Variants in MMS19 observed in about 807,000 individuals in gnomAD.
The protein encoded by MMS19 is MMS19 nucleotide excision repair protein homolog.
A neutral mutation model predicts 129.8 loss-of-function variants in MMS19; 77 were observed. The observed-to-expected ratio is 0.59, with a 90% CI of 0.49 to 0.72. The LOEUF (loss-of-function observed/expected upper bound fraction) is 0.72, where lower values mean the gene tolerates loss of function less well. Ranked by LOEUF, MMS19 falls within the 30% of genes least tolerant of loss-of-function variation. The probability of loss-of-function intolerance (pLI) is 0.00; values close to 1 mark genes in which losing one functional copy is unlikely to be tolerated. For synonymous variants in MMS19, 491 were observed against 502.8 expected (o/e 0.98, Z 0.31); for missense variants, 1,168 against 1,266.3 (o/e 0.92, Z 1.18).
intron 13 of MMS19, among the ~76,000 whole-genome samples, chr10:97,467,830 A>AT (rs1285490114): frequency 0.014 from 1,936 of 137,388 alleles, 37 homozygotes; most frequent in African/African-American, 0.041. Context: ...TATCCAGCTA[A>AT]TTTTTTTTTT....
Position 97,477,915 on chromosome 10 carries a change from G to C in MMS19, c.363C>G (p.Ala121=). Residue 121 remains alanine, a synonymous_variant, in exon 5 of 31, where the codon GCC becomes GCG. Coordinates refer to ENST00000438925, the MANE Select transcript of MMS19 (RefSeq NM_022362.5). ...QGLKALSLCV[A]LPPGLAVSVL... ...CAGAAACAGCCAGCCCTGGGGGCAG[G>C]GCCACACACAGGCTCTGGGGGAGAG... is the stretch of plus-strand genomic sequence containing the variant. 2 of 1,605,410 alleles carry C rather than the reference G, an allele frequency of 1.2e-6. No homozygotes were observed. The highest frequency in any genetic ancestry group is 1.7e-6 in the Non-Finnish European group (2 of 1,176,788).
Position 97,459,692 on chromosome 10 carries a change from C to G in MMS19, c.2706G>C (p.Leu902=). ...LKGLSHVLNR[L]PKPVLLPELP... is the part of the protein sequence containing the mutation. The stretch of plus-strand genomic sequence containing the variant: ...GCTCTGGCAAGAGTACAGGCTTGGG[C>G]AGCCTGTTAAGTACATGAGAAAGAC... Residue 902 remains leucine (L), a synonymous_variant, in exon 27 of 31, where the codon CTG becomes CTC. Coordinates refer to ENST00000438925, the MANE Select transcript of MMS19 (RefSeq NM_022362.5). 6.2e-7 allele frequency: 1 copy of G among 1,612,500 alleles called. No homozygotes were observed. The highest frequency in any genetic ancestry group is 1.3e-5 in the African/African-American group (1 of 75,026).
At chr10:97,482,745 C>T (rs1268507443) in intron 2 of MMS19, among the ~76,000 whole-genome samples, 1 of 145,356 alleles carries the variant, frequency 6.9e-6, no homozygotes, top group African/African-American at 2.5e-5. Flanking sequence ...TATACACACA[C>T]ACACACACAC....
At chr10:97,461,340 G>A (rs926288173) in intron 23 of MMS19, 156 bp downstream of exon 23, 5 of 892,916 alleles carry the variant, frequency 5.6e-6, no homozygotes, top group East Asian at 5.4e-5. Context: ...TGGTCTTGAC[G>A]CTTTTCCCAC....
At chr10:97,460,571 C>G (rs2031509484) in intron 25 of MMS19, 124 bp downstream of exon 25, 1 of 871,948 alleles carries the variant, frequency 1.1e-6, no homozygotes, top group Non-Finnish European at 1.9e-6. Flanking sequence ...GACCCTGTCT[C>G]CAAAAAGAAA....
At chr10:97,477,325 C>A in intron 6 of MMS19, 22 bp downstream of exon 6, 1 of 1,613,904 alleles carries the variant, frequency 6.2e-7, no homozygotes, top group Non-Finnish European at 8.5e-7. Context: ...TTTGACATTT[C>A]CCAGAAAGCT....
chr10:97,470,941 A>T, intron 8 of MMS19, 80 bp from the exon 9 acceptor site: 1 of 1,145,724 alleles, frequency 8.7e-7, no homozygotes, highest in Non-Finnish European at 1.3e-6. Context: ...GTAACCCTGC[A>T]GAACAGGGTG....
At position 97,462,623 on chromosome 10, in the gene MMS19, C is replaced by T; in HGVS notation, c.1972G>A (p.Val658Met). The change falls in exon 20 of 31, where the codon GTG (valine) becomes ATG (methionine). Residue 658 changes from valine (V) to methionine (M), a missense_variant. Val to Met is a conservative substitution (Grantham distance 21, BLOSUM62 1). Around this residue, in one of 3 missense-constraint regions of MMS19, gnomAD observed 831 missense variants for 910.8 expected, o/e 0.91. Coordinates refer to ENST00000438925, the MANE Select transcript of MMS19 (RefSeq NM_022362.5). ...GTTGTAGCAGTGCCAATGACAGACA[C>T]CATGGCAGCCAACACCTCATCCTCC... ...LLEDEVLAAM[V>M]SVIGTATTHL... is the part of the protein sequence containing the mutation. 6.2e-7 allele frequency: 1 copy of T among 1,613,974 alleles called. No individual in the cohort carries two copies. Among genetic ancestry groups the T allele is most frequent in the South Asian group, 1.1e-5 (1 of 91,086 alleles).
intron 8 of MMS19, among the ~76,000 whole-genome samples, chr10:97,475,932 TG>T (rs1381047575): frequency 5.9e-5 from 9 of 152,296 alleles, no homozygotes; most frequent in Admixed American, 5.9e-4. Context: ...AGTAACATAA[TG>T]TCAACTGAAA....
intron 1 of MMS19, among the ~76,000 whole-genome samples, chr10:97,495,999 TC>T (rs1437815795): frequency 2.0e-5 from 3 of 152,094 alleles, no homozygotes; most frequent in Non-Finnish European, 4.4e-5. Context: ...CAGGCTGGTC[TC>T]AAACTCCTGG....
rs1304515908 is a variant in MMS19, at chr10:97,458,861, T to C, written c.3004A>G (p.Lys1002Glu). 1.2e-6 allele frequency: 2 copies of C among 1,613,924 alleles called. No individual in the cohort carries two copies. Among genetic ancestry groups the C allele is most frequent in the African/African-American group, 2.7e-5 (2 of 74,944 alleles). ...YKPQVIRALA[K>E]PLDDKKRLVR... ...AGTCTCTTCTTGTCATCCAGGGGTT[T>C]GGCTAAGGCCCGAATCACCTGTGGT... is the stretch of plus-strand genomic sequence containing the variant. Residue 1002 changes from lysine (K) to glutamate (E), a missense_variant, in exon 30 of 31, where the codon AAA (lysine) becomes GAA (glutamate). Transcript: ENST00000438925.
rs766744620 is a variant in MMS19 at position 97,463,925 on chromosome 10, A to G, written c.1845T>C (p.Ser615=). 3.1e-6 allele frequency: 5 copies of G among 1,612,592 alleles called. No individual in the cohort carries two copies. The African/African-American group carries it at 6.7e-5, about 22-fold the overall frequency. ...MAEKCQQDPE[S]CWYFHQTAIP... ...TAGCTGTCTGGTGGAAATACCAGCA[A>G]CTCTCAGGGTCCTGCTGACATTTTT... Residue 615 remains serine, a synonymous_variant, in exon 19 of 31, where the codon AGT becomes AGC. Coordinates refer to ENST00000438925, the MANE Select transcript of MMS19 (RefSeq NM_022362.5).
At chr10:97,473,166 G>A (rs1329953019) in intron 8 of MMS19, among the ~76,000 whole-genome samples, 2 of 151,942 alleles carry the variant, frequency 1.3e-5, no homozygotes, top group African/African-American at 2.4e-5. Context: ...CTCCCAAGTA[G>A]CTGAGATTAC....
At chr10:97,462,946 G>A in intron 19 of MMS19, 1 of 376,970 alleles carries the variant, frequency 2.7e-6, no homozygotes. Flanking sequence ...TAGCTAAGAT[G>A]AACATTCTTA....
chr10:97,459,235 C>G lies in MMS19; in HGVS notation c.2952G>C (p.Leu984=). Residue 984 remains leucine (L), a synonymous_variant, in exon 29 of 31, where the codon CTG becomes CTC. Transcript: ENST00000438925. ...CTGAGGTACTTACCACAGGGGTGGG[C>G]AGGCGAGTGAGAGCATGCATGCACT... ...ALQCMHALTR[L]PTPVLLPYKP... is the part of the protein sequence containing the mutation. 1 of 1,612,056 alleles carries G rather than the reference C, an allele frequency of 6.2e-7. No individual in the cohort carries two copies. Among genetic ancestry groups the G allele is most frequent in the Non-Finnish European group, 8.5e-7 (1 of 1,179,220 alleles).
intron 3 of MMS19, 23 bp downstream of exon 3, chr10:97,480,919 A>G (rs1355444820): frequency 2.0e-6 from 3 of 1,527,072 alleles, no homozygotes; most frequent in Non-Finnish European, 2.7e-6. Context: ...CCAGGAAGAC[A>G]TTCCTATTAG....
chr10:97,492,160 T>G (rs1365312897), intron 1 of MMS19, among the ~76,000 whole-genome samples: 3 of 106,104 alleles, frequency 2.8e-5, no homozygotes, highest in African/African-American at 3.6e-5. Context: ...AAAAAAAGTA[T>G]AAAAGTAGAA....
chr10:97,485,593 G>C (rs996290049), intron 1 of MMS19, among the ~76,000 whole-genome samples: 3 of 151,976 alleles, frequency 2.0e-5, no homozygotes, highest in African/African-American at 7.3e-5. Flanking sequence ...TTACAGGCAT[G>C]AGCCACTGCA....
chr10:97,491,760 C>T (rs2038930440), intron 1 of MMS19, among the ~76,000 whole-genome samples: 1 of 152,228 alleles, frequency 6.6e-6, no homozygotes, highest in African/African-American at 2.4e-5. Context: ...CCTTGAATCC[C>T]AGTATGTGGG....
Sources: allele counts gnomAD v4.1 joint callset (sites outside exome capture counted in the v4.1 genomes callset), GRCh38; gene constraint gnomAD v4.1.1; regional missense constraint gnomAD v4.1.1; transcripts MANE v1.5; gene names NCBI Gene and HGNC (gene_info 2026-07-23, HGNC 2026-07-21).